ZCRB1: variants seen among roughly 807,000 people sequenced by gnomAD.
The protein encoded by ZCRB1 is zinc finger CCHC-type and RNA-binding motif-containing protein 1.
ZCRB1 carries 21 observed loss-of-function variants against 29.9 expected under a neutral mutation model. The ratio of observed to expected loss-of-function variants is 0.70; its 90% CI spans 0.50 to 1.01. The LOEUF is 1.01. ZCRB1 is among the 50% of genes least tolerant of loss of function. ZCRB1 has a pLI of 0.00. For synonymous variants in ZCRB1, 77 were observed against 80.0 expected (o/e 0.96, Z 0.20); for missense variants, 204 against 253.3 (o/e 0.81, Z 1.32).
At chr12:42,322,152 T>C (rs1565693698) in intron 3 of ZCRB1, among the ~76,000 whole-genome samples, 1 of 152,188 alleles carries the variant, frequency 6.6e-6, no homozygotes, top group Non-Finnish European at 1.5e-5. Context: ...GCTATGAGGA[T>C]GTATCTTTAT....
chr12:42,318,803 G>A (rs921164273), intron 3 of ZCRB1, among the ~76,000 whole-genome samples: 7 of 152,100 alleles, frequency 4.6e-5, no homozygotes, highest in African/African-American at 1.7e-4. Flanking sequence ...GAATGATGGG[G>A]CCAAGAATAC....
chr12:42,325,022 T>C (rs528827518), intron 1 of ZCRB1, among the ~76,000 whole-genome samples: 12 of 152,364 alleles, frequency 7.9e-5, no homozygotes, highest in African/African-American at 2.9e-4. Context: ...CTAGATGGTC[T>C]AGCCTATTGC....
chr12:42,317,737 G>T, intron 4 of ZCRB1, 50 bp downstream of exon 4: 1 of 1,535,490 alleles, frequency 6.5e-7, no homozygotes, highest in South Asian at 1.1e-5. Context: ...TGGCCTGGAT[G>T]AGCATAAAGG....
intron 2 of ZCRB1, 193 bp downstream of exon 2, chr12:42,323,826 T>C: frequency 1.8e-6 from 1 of 564,544 alleles, no homozygotes; most frequent in African/African-American, 1.9e-5. Flanking sequence ...GGTGGGAGGA[T>C]CACCTGAGGG....
intron 5 of ZCRB1, among the ~76,000 whole-genome samples, chr12:42,316,673 T>C (rs1377322320): frequency 1.3e-5 from 2 of 152,234 alleles, no homozygotes; most frequent in Admixed American, 1.3e-4. Context: ...AGTCACATGA[T>C]AATGTTGCTA....
At chr12:42,318,434 G>A (rs1458648642) in intron 3 of ZCRB1, among the ~76,000 whole-genome samples, 2 of 152,088 alleles carry the variant, frequency 1.3e-5, no homozygotes, top group Non-Finnish European at 2.9e-5. Flanking sequence ...TTTGAGAACA[G>A]CCTGGGCAAC....
intron 1 of ZCRB1, 43 bp downstream of exon 1, chr12:42,325,881 G>T (rs1167466992): frequency 6.6e-6 from 1 of 152,588 alleles, no homozygotes; most frequent in Non-Finnish European, 1.5e-5. Flanking sequence ...GTCTGGGGAG[G>T]GGGCCCCGCA....
chr12:42,325,145 T>C (rs2068680676), intron 1 of ZCRB1, among the ~76,000 whole-genome samples: 1 of 152,240 alleles, frequency 6.6e-6, no homozygotes, highest in African/African-American at 2.4e-5. Context: ...AAAAATATGG[T>C]ACAATGTATT....
chr12:42,319,406 T>C (rs2068610475), intron 3 of ZCRB1, among the ~76,000 whole-genome samples: 1 of 152,222 alleles, frequency 6.6e-6, no homozygotes, highest in Non-Finnish European at 1.5e-5. Flanking sequence ...TTTGTCCCAC[T>C]GTCAGTATCC....
In ZCRB1 at chr12:42,315,537, A is replaced by T. The variant is rs368249870; in HGVS notation, c.334-1551T>A. Among the ~76,000 whole-genome samples, 16 of 152,336 alleles carry T rather than the reference A, an allele frequency of 1.1e-4. No homozygotes were observed. The East Asian group carries it at 2.7e-3, about 26-fold the overall frequency. The stretch of plus-strand genomic sequence containing the variant: ...GCAAAAAAAAATTAACATATCCCAT[A>T]CTAAAAAAGGATTTAATGAAATAAC... On this transcript the variant is annotated intron_variant, in intron 5 of 7. Coordinates refer to ENST00000266529, the MANE Select transcript of ZCRB1 (RefSeq NM_033114.4).
chr12:42,313,896 C>A lies in ZCRB1; in HGVS notation c.424G>T (p.Ala142Ser), dbSNP rs2068581139. ...KKKEKKKKKK[A>S]PEPEEEIEEV... The stretch of plus-strand genomic sequence containing the variant: ...TACATTTCTTCTTCTGGTTCAGGAG[C>A]TTTCTTTTTTTTCTTTTTTTCTTTC... The change falls in exon 6 of 8, where the codon GCT becomes TCT. Residue 142 changes from alanine to serine, a missense_variant. Coordinates refer to ENST00000266529, the MANE Select transcript of ZCRB1 (RefSeq NM_033114.4). 6.2e-7 allele frequency: 1 copy of A among 1,601,884 alleles called. No individual in the cohort carries two copies. The highest frequency in any genetic ancestry group is 8.5e-7 in the Non-Finnish European group (1 of 1,177,346).
chr12:42,324,346 C>G (rs2068645657), intron 1 of ZCRB1, among the ~76,000 whole-genome samples: 1 of 152,086 alleles, frequency 6.6e-6, no homozygotes, highest in African/African-American at 2.4e-5. Flanking sequence ...CAGTGTTTCA[C>G]CATGTTGGTC....
At chr12:42,316,272 G>A (rs1166159719) in intron 5 of ZCRB1, among the ~76,000 whole-genome samples, 1 of 150,562 alleles carries the variant, frequency 6.6e-6, no homozygotes, top group South Asian at 2.1e-4. Flanking sequence ...TTTTTTTTTT[G>A]TATTTTTAGT....
At chr12:42,316,622 A>T (rs10880284) in intron 5 of ZCRB1, among the ~76,000 whole-genome samples, 42,679 of 152,102 alleles carry the variant, frequency 0.28, 7,354 homozygotes, top group Non-Finnish European at 0.38. Context: ...CTAATAGGAA[A>T]AAATAAAAAA....
intron 3 of ZCRB1, 112 bp downstream of exon 3, chr12:42,322,306 T>G (rs1042756768): frequency 3.8e-6 from 4 of 1,055,864 alleles, no homozygotes; most frequent in Non-Finnish European, 5.2e-6. Flanking sequence ...AATAGTATTT[T>G]CTTTATTATA....
At chr12:42,315,108 G>A (rs1037637758) in intron 5 of ZCRB1, among the ~76,000 whole-genome samples, 4 of 152,158 alleles carry the variant, frequency 2.6e-5, no homozygotes, top group African/African-American at 9.7e-5. Context: ...GAACTTGTCT[G>A]AATTGATACG....
intron 3 of ZCRB1, among the ~76,000 whole-genome samples, chr12:42,318,713 A>G (rs1399944953): frequency 1.3e-5 from 2 of 152,178 alleles, no homozygotes; most frequent in Non-Finnish European, 2.9e-5. Context: ...AGCTTGGAAC[A>G]TCTTATGCCA....
chr12:42,313,901 T>C lies in ZCRB1; in HGVS notation c.419A>G (p.Lys140Arg), dbSNP rs2068581242. The change falls in exon 6 of 8, where the codon AAG becomes AGG. Residue 140 changes from lysine to arginine, a missense_variant. Transcript: ENST00000266529. ...PPKKKEKKKK[K>R]KAPEPEEEIE... ...TTCTTCTTCTGGTTCAGGAGCTTTC[T>C]TTTTTTTCTTTTTTTCTTTCTTCTT... is the stretch of plus-strand genomic sequence containing the variant. 6.2e-7 allele frequency: 1 copy of C among 1,601,744 alleles called. No homozygotes were observed. The highest frequency in any genetic ancestry group is 1.4e-5 in the African/African-American group (1 of 73,642).
intron 6 of ZCRB1, 45 bp downstream of exon 6, chr12:42,313,829 A>C: frequency 5.0e-6 from 8 of 1,610,750 alleles, no homozygotes; most frequent in Non-Finnish European, 6.8e-6. Flanking sequence ...CAACCAAAAG[A>C]CAAAAGCAAC....
Sources: gnomAD v4.1 joint callset for allele counts (sites outside exome capture counted in the v4.1 genomes callset) on GRCh38, gnomAD v4.1.1 for gene constraint, MANE v1.5 for transcripts, NCBI Gene and HGNC (gene_info 2026-07-23, HGNC 2026-07-21) for gene names.